The following HERC2 variants were observed in gnomAD, a reference collection of about 807,000 sequenced individuals.
HERC2 encodes E3 ubiquitin-protein ligase HERC2.
A neutral mutation model predicts 537.7 loss-of-function variants in HERC2; 102 were observed. The observed-to-expected ratio is 0.19, with a 90% CI of 0.16 to 0.22. The LOEUF is 0.22. HERC2 is among the 10% of genes least tolerant of loss of function. The probability of loss-of-function intolerance (pLI) is 1.00; values close to 1 mark genes in which losing one functional copy is unlikely to be tolerated. For synonymous variants in HERC2, 2,224 were observed against 2,466.2 expected (o/e 0.90, Z 2.91); for missense variants, 4,236 against 6,198.2 (o/e 0.68, Z 10.63).
chr15:28,150,653 C>G (rs1212805755), intron 70 of HERC2, among the ~76,000 whole-genome samples: 2 of 149,072 alleles, frequency 1.3e-5, no homozygotes, highest in Non-Finnish European at 3.0e-5. Context: ...GGCTCCTAAC[C>G]AAGAACATCA....
In HERC2 at chr15:28,117,355, C is replaced by A; in HGVS notation, c.13273-201G>T. On this transcript the variant is annotated intron_variant, in intron 86 of 92. Transcript: ENST00000261609. ...GTGGACACCCGAGACCGCTGCCTCA[C>A]CCCATTGGGCATGTCGCCAGTGATG... 2 of 705,914 alleles carry A rather than the reference C, an allele frequency of 2.8e-6. 1 individual carries two copies. The highest frequency in any genetic ancestry group is 3.0e-5 in the South Asian group (2 of 66,852). The allele number at this position is 705,914 out of a possible 1,614,324, so 43.7% of individuals were successfully genotyped here. A position where few individuals can be genotyped will look rare whatever the true frequency, so the allele number is the denominator to read the frequency against.
In HERC2 at chr15:28,214,780, T is replaced by C. The variant is rs1326339353; in HGVS notation, c.6233A>G (p.Gln2078Arg). The C allele has an allele frequency of 1.2e-6, 2 of 1,611,800 alleles. No individual in the cohort carries two copies. Among genetic ancestry groups the C allele is most frequent in the Admixed American group, 3.3e-5 (2 of 60,016 alleles). Residue 2078 changes from glutamine to arginine, a missense_variant, in exon 40 of 93, where the codon CAA becomes CGA. Transcript: ENST00000261609. ...QRQILAVHLLQAVLPSWDKTE... is the reference protein window; with the variant it reads ...QRQILAVHLLRAVLPSWDKTE... ...CTTGTCCCATGATGGAAGGACTGCTTGCAACAAATGCACAGCTAAGATCTG... is the reference window on the plus strand; with the variant it reads ...CTTGTCCCATGATGGAAGGACTGCTCGCAACAAATGCACAGCTAAGATCTG...
Position 28,113,714 on chromosome 15 carries a change from A to G in HERC2, c.13914-36T>C, listed in dbSNP as rs1308448880. ...AAGCTCACTTTACACTTCTGTCTTCAGTGACACTGACTTTATGCTGCTCAC... is the reference window on the plus strand; with the variant it reads ...AAGCTCACTTTACACTTCTGTCTTCGGTGACACTGACTTTATGCTGCTCAC... On this transcript the variant is annotated intron_variant, in intron 90 of 92. Transcript: ENST00000261609. This position sits in a 1 kb window ranked among gnomAD's most constrained non-coding sequence, Gnocchi z 7.0. 6.5e-6 allele frequency: 10 copies of G among 1,542,422 alleles called. No homozygotes were observed. Among genetic ancestry groups the G allele is most frequent in the South Asian group, 1.1e-5 (1 of 88,658 alleles).
intron 69 of HERC2, among the ~76,000 whole-genome samples, chr15:28,157,939 T>G (rs886506395): frequency 2.6e-5 from 4 of 152,218 alleles, no homozygotes; most frequent in Non-Finnish European, 5.9e-5. Context: ...TGGTATGTTG[T>G]GTCTTTGTTC....
chr15:28,281,516 T>A lies in HERC2; in HGVS notation c.323-1229A>T, dbSNP rs1388111147. ...GCTGCCTCCCCTTGTGCAGAAGACA[T>A]CAGTTTTCTGGCTACCCACTACCTG... On this transcript the variant is annotated intron_variant, in intron 4 of 92. Transcript: ENST00000261609. Among the ~76,000 whole-genome samples the A allele has an allele frequency of 2.6e-5, 4 of 152,140 alleles. No homozygotes were observed. The East Asian group carries it at 7.8e-4, about 29-fold the overall frequency.
intron 90 of HERC2, 108 bp downstream of exon 90, chr15:28,114,504 C>A: frequency 1.1e-6 from 1 of 949,314 alleles, no homozygotes; most frequent in South Asian, 1.6e-5. Context: ...GAGCCAAATC[C>A]ATTACTTTAC....
chr15:28,297,144 G>C (rs1260416311), intron 3 of HERC2, among the ~76,000 whole-genome samples: 6 of 152,234 alleles, frequency 3.9e-5, no homozygotes, highest in Admixed American at 2.6e-4. Context: ...TACTAAGTAG[G>C]AGAGTTTTAC....
At position 28,163,105 on chromosome 15, in the gene HERC2, C is replaced by T. The variant is rs776601157; in HGVS notation, c.10735G>A (p.Ala3579Thr). 2.5e-6 allele frequency: 4 copies of T among 1,609,114 alleles called. No homozygotes were observed. Among genetic ancestry groups the T allele is most frequent in the African/African-American group, 1.3e-5 (1 of 74,862 alleles). ...TCCCTGAGACTCACCTGTGGGTAGGCGGTCCCCATGCCGGAAAGCACCGCG... is the reference window on the plus strand; with the variant it reads ...TCCCTGAGACTCACCTGTGGGTAGGTGGTCCCCATGCCGGAAAGCACCGCG... Reference protein sequence around the residue: ...LSAVLSGMGTAYPQVADMLLE... With the variant: ...LSAVLSGMGTTYPQVADMLLE... Residue 3579 changes from alanine to threonine, a missense_variant, in exon 69 of 93, where the codon GCC becomes ACC. Physicochemically the swap from Ala to Thr is moderately conservative, Grantham distance 58. Transcript: ENST00000261609.
Position 28,268,571 on chromosome 15 carries a change from T to G in HERC2, c.1492A>C (p.Ile498Leu), listed in dbSNP as rs1222585623. 6.2e-7 allele frequency: 1 copy of G among 1,613,956 alleles called. No individual in the cohort carries two copies. The highest frequency in any genetic ancestry group is 2.2e-5 in the East Asian group (1 of 44,890). ...TGGTGACCATCAGAATGGGCAGCAA[T>G]TTTTACAATGTTTCTGGAGGCAAGG... ...QGLASRNIVK[I>L]AAHSDGHHYL... The change falls in exon 12 of 93, where the codon ATT (isoleucine) becomes CTT (leucine). Residue 498 changes from isoleucine (I) to leucine (L), a missense_variant. By Grantham distance (5) the Ile-to-Leu change is conservative (BLOSUM62 2). Around this residue, in one of 27 missense-constraint regions of HERC2, gnomAD observed 754 missense variants for 1,085.0 expected, o/e 0.69. Coordinates refer to ENST00000261609, the MANE Select transcript of HERC2 (RefSeq NM_004667.6). This position sits in a 1 kb window ranked among gnomAD's most constrained non-coding sequence, Gnocchi z 4.7.
At chr15:28,143,485 T>C (rs1566938325) in intron 74 of HERC2, among the ~76,000 whole-genome samples, 2 of 152,088 alleles carry the variant, frequency 1.3e-5, no homozygotes, top group Non-Finnish European at 2.9e-5. Flanking sequence ...TCTCGCTCTG[T>C]CACCAGGCTG....
At chr15:28,241,138 A>G (rs1329022759) in intron 23 of HERC2, among the ~76,000 whole-genome samples, 1 of 152,214 alleles carries the variant, frequency 6.6e-6, no homozygotes, top group Non-Finnish European at 1.5e-5. Flanking sequence ...CAGATTGCAA[A>G]TAATATCTAT....
chr15:28,272,811 AT>A, intron 8 of HERC2, 82 bp downstream of exon 8: 1 of 890,230 alleles, frequency 1.1e-6, no homozygotes, highest in South Asian at 1.5e-5. Flanking sequence ...GTCACAAACG[AT>A]TCAGTGAAAC....
rs1257394610 is a variant in HERC2 at position 28,224,158 on chromosome 15, CACACACACAG to C, written c.5465-1953_5465-1944del. On this transcript the variant is annotated intron_variant, in intron 35 of 92. Coordinates refer to ENST00000261609, the MANE Select transcript of HERC2 (RefSeq NM_004667.6). ...ATACACACACACACACCCACACACA[CACACACACAG>C]AGAGAGAGAGAAACAGACAGACAGA... Among the ~76,000 whole-genome samples the C allele has an allele frequency of 4.3e-3, 640 of 148,676 alleles. 7 individuals are homozygous for C. Among genetic ancestry groups the C allele is most frequent in the African/African-American group, 0.016 (600 of 38,660 alleles).
chr15:28,138,381 G>C (rs1360711820), intron 78 of HERC2, among the ~76,000 whole-genome samples: 1 of 152,174 alleles, frequency 6.6e-6, no homozygotes, highest in Non-Finnish European at 1.5e-5. Flanking sequence ...TATTTTGTTA[G>C]GGGCTAATGC....
At chr15:28,143,758 ATTC>A in intron 74 of HERC2, 112 bp downstream of exon 74, 1 of 1,369,910 alleles carries the variant, frequency 7.3e-7, no homozygotes, top group Non-Finnish European at 1.0e-6. Context: ...AGGCCTCCTT[ATTC>A]TTATGTGAAA....
chr15:28,214,863 T>C, intron 39 of HERC2, 61 bp from the exon 40 acceptor site: 3 of 1,375,120 alleles, frequency 2.2e-6, no homozygotes, highest in South Asian at 1.3e-5. Context: ...AAACTACAGA[T>C]TGTTATTTTT....
At chr15:28,124,352 C>T in intron 84 of HERC2, 118 bp from the exon 85 acceptor site, 3 of 619,638 alleles carry the variant, frequency 4.8e-6, no homozygotes, top group South Asian at 9.7e-5. Context: ...ACTATGGTGT[C>T]TGAGTTTGGT....
intron 36 of HERC2, among the ~76,000 whole-genome samples, 160 bp downstream of exon 36, chr15:28,221,868 C>T (rs1318898168): frequency 1.3e-5 from 2 of 152,100 alleles, no homozygotes; most frequent in African/African-American, 2.4e-5. Flanking sequence ...TGATTCCCTA[C>T]TTGTGTTCAC....
chr15:28,314,486 C>T lies in HERC2; in HGVS notation c.72+6876G>A, dbSNP rs1338329955. Among the ~76,000 whole-genome samples, 4 of 151,804 alleles carry T rather than the reference C, an allele frequency of 2.6e-5. No individual in the cohort carries two copies. The East Asian group carries it at 5.8e-4, about 22-fold the overall frequency. On this transcript the variant is annotated intron_variant, in intron 2 of 92. Transcript: ENST00000261609. ...CCTATGTAGGAGCCATTCTTATTTCCTTTAATTTCCTAAAAAAAGAAAAAC... is the reference window on the plus strand; with the variant it reads ...CCTATGTAGGAGCCATTCTTATTTCTTTTAATTTCCTAAAAAAAGAAAAAC...
Sources: gnomAD v4.1 joint callset for allele counts (sites outside exome capture counted in the v4.1 genomes callset) on GRCh38, gnomAD v4.1.1 for gene constraint, gnomAD v4.1.1 regional missense constraint, Gnocchi (gnomAD v3.1) non-coding constraint, MANE v1.5 for transcripts, NCBI Gene and HGNC (gene_info 2026-07-23, HGNC 2026-07-21) for gene names.